Variants in PTTG1IP observed in about 807,000 individuals in gnomAD.
PTTG1IP encodes the protein pituitary tumor-transforming gene 1 protein-interacting protein.
PTTG1IP carries 16 observed loss-of-function variants against 24.4 expected under a neutral mutation model. That is an observed-to-expected ratio of 0.66 (90% CI 0.44 to 1.00). The LOEUF (loss-of-function observed/expected upper bound fraction) is 1.00. Among genes scored for constraint, PTTG1IP ranks in the 50% least tolerant of loss-of-function variants. The pLI is 0.00. For synonymous variants in PTTG1IP, 89 were observed against 96.8 expected (o/e 0.92, Z 0.47); for missense variants, 241 against 245.8 (o/e 0.98, Z 0.13).
chr21:44,864,788 C>T lies in PTTG1IP; in HGVS notation c.168+607G>A, dbSNP rs140055085. Reference sequence around the variant, plus strand: ...CCAGGTGGGCATCTGCATCAGTCTCCATCGGGAAGGCACCCCGGGGAGTCT... The same window carrying T: ...CCAGGTGGGCATCTGCATCAGTCTCTATCGGGAAGGCACCCCGGGGAGTCT... On this transcript the variant is annotated intron_variant, in intron 2 of 5. Coordinates refer to ENST00000330938, the MANE Select transcript of PTTG1IP (RefSeq NM_004339.4). Among the ~76,000 whole-genome samples the T allele has an allele frequency of 1.0e-2, 1,518 of 152,342 alleles. 14 individuals are homozygous for T. The highest frequency in any genetic ancestry group is 0.031 in the Middle Eastern group (9 of 294).
intron 5 of PTTG1IP, among the ~76,000 whole-genome samples, chr21:44,853,686 C>G (rs2083427580): frequency 6.6e-6 from 1 of 152,022 alleles, no homozygotes; most frequent in Non-Finnish European, 1.5e-5. Flanking sequence ...CAGTCACACG[C>G]AGGTACCCGG....
rs373341271 is a variant in PTTG1IP, at chr21:44,861,422, C to G, written c.169-151G>C. On this transcript the variant is annotated intron_variant, in intron 2 of 5. Transcript: ENST00000330938. ...CCTCAACGCCTCATCTCTGCCTTCA[C>G]CCTCAGCGCCCTTCGGTCCACACCC... The G allele has an allele frequency of 2.2e-4, 144 of 661,378 alleles. 2 individuals are homozygous for G. The East Asian group carries it at 3.7e-3, about 17-fold the overall frequency. 41.0% of individuals were successfully genotyped at this position (661,378 alleles called of 1,614,324 possible).
At position 44,851,166 on chromosome 21, in the gene PTTG1IP, G is replaced by T. The variant is rs576774800; in HGVS notation, c.*415C>A. ...ATGAGGGCTGGTCAGTTCTCCTCAT[G>T]ACAAAAGTCAAACCGACTTCCCTGT... is the stretch of plus-strand genomic sequence containing the variant. On this transcript the variant is annotated 3_prime_UTR_variant, in exon 6 of 6. Transcript: ENST00000330938. The T allele has an allele frequency of 3.0e-5, 20 of 658,566 alleles. No individual in the cohort carries two copies. The highest frequency in any genetic ancestry group is 1.1e-4 in the East Asian group (4 of 35,348). The allele number at this position is 658,566 out of a possible 1,614,324, so 40.8% of individuals were successfully genotyped here.
chr21:44,861,293 C>T, intron 2 of PTTG1IP, 22 bp from the exon 3 acceptor site: 1 of 1,584,368 alleles, frequency 6.3e-7, no homozygotes, highest in Non-Finnish European at 8.7e-7. Flanking sequence ...CAACATTAAG[C>T]AAGCATTAGA....
chr21:44,859,517 T>C (rs1449177220), intron 3 of PTTG1IP, among the ~76,000 whole-genome samples: 2 of 151,944 alleles, frequency 1.3e-5, no homozygotes, highest in East Asian at 1.9e-4. Context: ...ATAAAGTCCA[T>C]GCAGAGAGAG....
intron 2 of PTTG1IP, among the ~76,000 whole-genome samples, chr21:44,863,928 A>G (rs2083514145): frequency 6.6e-6 from 1 of 152,232 alleles, no homozygotes; most frequent in Admixed American, 6.5e-5. Context: ...ATGCCTTAGA[A>G]TAGAAATCAT....
rs760785426 is a variant in PTTG1IP at position 44,855,195 on chromosome 21, G to C, written c.496+15C>G. On this transcript the variant is annotated intron_variant, in intron 5 of 5. Transcript: ENST00000330938. Reference sequence around the variant, plus strand: ...CCTCCCAACCAGACAAAAAGGAGGCGTGACCAGTCCTTACCATATTTTTTT... The same window carrying C: ...CCTCCCAACCAGACAAAAAGGAGGCCTGACCAGTCCTTACCATATTTTTTT... 6.2e-7 allele frequency: 1 copy of C among 1,604,422 alleles called. No individual in the cohort carries two copies. The highest frequency in any genetic ancestry group is 2.2e-5 in the East Asian group (1 of 44,828).
rs1189927329 is a variant in PTTG1IP, at chr21:44,873,565, C to A, written c.52G>T (p.Gly18Cys). ...AGCAGCAGGAGCAGCGCGGCGCCAC[C>A]GAGGCGCAACCTCCAGTACGGCGTC... ...GPTPYWRLRL[G>C]GAALLLLLIP... Residue 18 changes from glycine to cysteine, a missense_variant, in exon 1 of 6, where the codon GGT becomes TGT. By Grantham distance (159) the Gly-to-Cys change is radical. Transcript: ENST00000330938. 10 of 1,472,498 alleles carry A rather than the reference C, an allele frequency of 6.8e-6. No individual in the cohort carries two copies. The highest frequency in any genetic ancestry group is 2.4e-5 in the Admixed American group (1 of 41,818). The allele number at this position is 1,472,498 out of a possible 1,614,324, so 91.2% of individuals were successfully genotyped here.
chr21:44,869,812 C>T (rs1254979899), intron 1 of PTTG1IP, among the ~76,000 whole-genome samples: 4 of 152,190 alleles, frequency 2.6e-5, no homozygotes, highest in South Asian at 4.1e-4. Flanking sequence ...CACACCCACT[C>T]GAGTCCTTCC....
intron 2 of PTTG1IP, among the ~76,000 whole-genome samples, chr21:44,864,567 T>C (rs150384930): frequency 0.011 from 1,731 of 152,238 alleles, 20 homozygotes; most frequent in Non-Finnish European, 0.019. Context: ...TAGCTAATTG[T>C]TTTGTATTTT....
At chr21:44,869,306 A>T (rs2083565991) in intron 1 of PTTG1IP, among the ~76,000 whole-genome samples, 1 of 152,354 alleles carries the variant, frequency 6.6e-6, no homozygotes, top group African/African-American at 2.4e-5. Flanking sequence ...CCAGATTTTG[A>T]TAATTATATA....
rs2083495338 is a variant in PTTG1IP, at chr21:44,861,964, A to G, written c.169-693T>C. On this transcript the variant is annotated intron_variant, in intron 2 of 5. Coordinates refer to ENST00000330938, the MANE Select transcript of PTTG1IP (RefSeq NM_004339.4). ...GCACAGCTTGAAAGATGATGCAACT[A>G]CGGCTCAGCCCGCCCTAAACTGACA... 1.1e-5 allele frequency: 7 copies of G among 660,548 alleles called. No homozygotes were observed. The Admixed American group carries it at 1.3e-4, about 12-fold the overall frequency. 40.9% of individuals were successfully genotyped at this position (660,548 alleles called of 1,614,324 possible).
At position 44,851,407 on chromosome 21, in the gene PTTG1IP, T is replaced by C; in HGVS notation, c.*174A>G. 6.4e-7 allele frequency: 1 copy of C among 1,568,386 alleles called. No homozygotes were observed. The highest frequency in any genetic ancestry group is 1.7e-4 in the Middle Eastern group (1 of 6,024). ...AACAGGGAATAGAAGGTCACCAGTC[T>C]GCAAGACGAGAGGACTGTCCTTCAG... On this transcript the variant is annotated 3_prime_UTR_variant, in exon 6 of 6. Coordinates refer to ENST00000330938, the MANE Select transcript of PTTG1IP (RefSeq NM_004339.4).
intron 1 of PTTG1IP, among the ~76,000 whole-genome samples, chr21:44,867,628 G>A (rs1396126780): frequency 6.6e-6 from 1 of 152,246 alleles, no homozygotes; most frequent in Non-Finnish European, 1.5e-5. Flanking sequence ...GCACGCTCAT[G>A]TCTGTGACTG....
intron 3 of PTTG1IP, among the ~76,000 whole-genome samples, chr21:44,858,996 C>T (rs181847232): frequency 6.6e-6 from 1 of 152,300 alleles, no homozygotes; most frequent in East Asian, 1.9e-4. Context: ...CTCCGTGACA[C>T]AGCAACTCCA....
chr21:44,865,471 AG>A (rs767415947), intron 1 of PTTG1IP, 24 bp from the exon 2 acceptor site: 1 of 1,613,132 alleles, frequency 6.2e-7, no homozygotes, highest in South Asian at 1.1e-5. Context: ...GCAAGAGACA[AG>A]TCAGTCACTG....
rs1048892095 is a variant in PTTG1IP, at chr21:44,849,861, G to A, written c.*1720C>T. 5.3e-5 allele frequency: 8 copies of A among 152,220 alleles called. No homozygotes were observed. Among genetic ancestry groups the A allele is most frequent in the African/African-American group, 1.9e-4 (8 of 41,442 alleles). The allele number at this position is 152,220 out of a possible 1,614,324, so 9.4% of individuals were successfully genotyped here. A position where few individuals can be genotyped will look rare whatever the true frequency, so the allele number is the denominator to read the frequency against. The stretch of plus-strand genomic sequence containing the variant: ...ACACACACTACTGCATTCATACAGA[G>A]TTCACTGAAGTCTATTACCAAGTGT... On this transcript the variant is annotated 3_prime_UTR_variant, in exon 6 of 6. Transcript: ENST00000330938.
rs970844474 is a variant in PTTG1IP at position 44,865,594 on chromosome 21, C to G, written c.116-147G>C. The G allele has an allele frequency of 2.5e-5, 19 of 766,468 alleles. No homozygotes were observed. The African/African-American group carries it at 3.3e-4, about 13-fold the overall frequency. The allele number at this position is 766,468 out of a possible 1,614,324, so 47.5% of individuals were successfully genotyped here. ...ACCAAATGAAGGTCCTCTTCCTGAG[C>G]CCCTGCTGATAACAAGCCTTCTTCA... On this transcript the variant is annotated intron_variant, in intron 1 of 5. Coordinates refer to ENST00000330938, the MANE Select transcript of PTTG1IP (RefSeq NM_004339.4).
chr21:44,858,118 A>G (rs915197604), intron 3 of PTTG1IP, among the ~76,000 whole-genome samples: 2 of 152,216 alleles, frequency 1.3e-5, no homozygotes, highest in Non-Finnish European at 2.9e-5. Flanking sequence ...TTGAACTTGA[A>G]CCAAAGGATG....
Sources: gnomAD v4.1 joint callset for allele counts (sites outside exome capture counted in the v4.1 genomes callset) on GRCh38, gnomAD v4.1.1 for gene constraint, MANE v1.5 for transcripts, NCBI Gene and HGNC (gene_info 2026-07-23, HGNC 2026-07-21) for gene names.